Variants in GRID2 observed in about 807,000 individuals in gnomAD.
GRID2 encodes the protein glutamate ionotropic receptor delta type subunit 2.
GRID2 carries 33 observed loss-of-function variants against 114.8 expected under a neutral mutation model. That is an observed-to-expected ratio of 0.29 (90% CI 0.22 to 0.38). The LOEUF is 0.38. Among genes scored for constraint, GRID2 ranks in the 10% least tolerant of loss-of-function variants. The pLI, the probability that GRID2 is intolerant of heterozygous loss-of-function variation, is 1.00. For missense variants in GRID2, 1,184 were observed against 1,257.7 expected, an observed-to-expected ratio of 0.94 and a Z score of 0.89; for synonymous variants, 505 against 449.9, an observed-to-expected ratio of 1.12 and a Z score of -1.55.
chr4:92,804,317 A>G (rs190165503), intron 2 of GRID2, among the ~76,000 whole-genome samples: 46 of 152,186 alleles, frequency 3.0e-4, no homozygotes, highest in African/African-American at 1.0e-3. Flanking sequence ...AAGGATGGAT[A>G]TAATTCAGAG....
At chr4:92,308,588 A>T (rs775469920) in intron 1 of GRID2, among the ~76,000 whole-genome samples, 9 of 152,182 alleles carry the variant, frequency 5.9e-5, no homozygotes, top group Non-Finnish European at 8.8e-5. Flanking sequence ...AAATTAAAGT[A>T]CAAAATCGGG....
chr4:93,034,214 C>T (rs1724704086), intron 2 of GRID2, among the ~76,000 whole-genome samples: 1 of 152,158 alleles, frequency 6.6e-6, no homozygotes, highest in Non-Finnish European at 1.5e-5. Context: ...CACATTTAGA[C>T]AGATGGGAAG....
chr4:93,320,185 G>T (rs186917133), intron 8 of GRID2, among the ~76,000 whole-genome samples: 2 of 152,062 alleles, frequency 1.3e-5, no homozygotes, highest in Admixed American at 1.3e-4. Flanking sequence ...GACAATTGGA[G>T]TAAGGAACAT....
chr4:92,943,394 A>T (rs1014406682), intron 2 of GRID2, among the ~76,000 whole-genome samples: 8 of 152,018 alleles, frequency 5.3e-5, no homozygotes, highest in Admixed American at 3.9e-4. Flanking sequence ...TTGTGCATTC[A>T]TCACATAGTT....
intron 13 of GRID2, among the ~76,000 whole-genome samples, chr4:93,590,228 T>C (rs1738062232): frequency 6.6e-6 from 1 of 150,662 alleles, no homozygotes. Context: ...AACTGATTTT[T>C]GTATAAGGCG....
chr4:93,449,224 G>A (rs534503742), intron 10 of GRID2, among the ~76,000 whole-genome samples: 8 of 151,928 alleles, frequency 5.3e-5, no homozygotes, highest in Admixed American at 2.0e-4. Context: ...ATAGGCAGAA[G>A]TAGACCTAGT....
chr4:92,357,728 CTG>C (rs1728398295), intron 1 of GRID2, among the ~76,000 whole-genome samples: 2 of 151,812 alleles, frequency 1.3e-5, no homozygotes, highest in Admixed American at 6.6e-5. Flanking sequence ...GAGTAGTTGA[CTG>C]TTCTTTCTCT....
At chr4:92,646,535 C>T (rs1227840508) in intron 2 of GRID2, among the ~76,000 whole-genome samples, 1 of 151,802 alleles carries the variant, frequency 6.6e-6, no homozygotes, top group African/African-American at 2.4e-5. Context: ...TCTAGAAATG[C>T]TATAGTTTTA....
chr4:93,016,891 T>G (rs1286540337), intron 2 of GRID2, among the ~76,000 whole-genome samples: 1 of 152,212 alleles, frequency 6.6e-6, no homozygotes, highest in East Asian at 1.9e-4. Flanking sequence ...TCTATTTTTT[T>G]TAAATGACTT....
At chr4:93,532,585 G>T (rs567999281) in intron 13 of GRID2, among the ~76,000 whole-genome samples, 1 of 152,256 alleles carries the variant, frequency 6.6e-6, no homozygotes. Flanking sequence ...TGCTGTGCTT[G>T]AATTGTGAAG....
At chr4:93,035,121 T>C (rs182456654) in intron 2 of GRID2, among the ~76,000 whole-genome samples, 14 of 151,198 alleles carry the variant, frequency 9.3e-5, no homozygotes, top group African/African-American at 2.4e-4. Context: ...TTTTTTTTTT[T>C]CTGAGGCAGA....
At chr4:92,580,490 A>T (rs902387991) in intron 1 of GRID2, among the ~76,000 whole-genome samples, 1 of 151,964 alleles carries the variant, frequency 6.6e-6, no homozygotes, top group African/African-American at 2.4e-5. Flanking sequence ...AAAATGCTCA[A>T]TTACAAGAAA....
At chr4:93,202,407 A>C (rs553888432) in intron 4 of GRID2, among the ~76,000 whole-genome samples, 1 of 152,160 alleles carries the variant, frequency 6.6e-6, no homozygotes, top group Non-Finnish European at 1.5e-5. Flanking sequence ...GGAAAATTGC[A>C]ATCAAATTTC....
rs146347222 is a variant in GRID2, at chr4:93,606,920, G to C, written c.2194-19349G>C. On this transcript the variant is annotated intron_variant, in intron 13 of 15. Coordinates refer to ENST00000282020, the MANE Select transcript of GRID2 (RefSeq NM_001510.4). ...ACAAAAATATTTGGGCTTTTATTCA[G>C]TATTCTTTACTGTATACCTAAAAAT... Among the ~76,000 whole-genome samples the C allele has an allele frequency of 1.8e-3, 276 of 152,124 alleles. 7 individuals carry two copies. In the East Asian group the frequency reaches 0.05, roughly 28 times the overall value.
intron 4 of GRID2, among the ~76,000 whole-genome samples, chr4:93,177,698 A>G (rs1178232412): frequency 6.6e-6 from 1 of 152,160 alleles, no homozygotes; most frequent in African/African-American, 2.4e-5. Context: ...AGGTACATAG[A>G]ATCTGTCAAA....
intron 4 of GRID2, among the ~76,000 whole-genome samples, chr4:93,193,237 C>T (rs1454096403): frequency 1.3e-5 from 2 of 152,108 alleles, no homozygotes; most frequent in Admixed American, 1.3e-4. Context: ...CAGCCCATCT[C>T]CTTGGGTCTG....
At chr4:92,640,197 T>A (rs1474807748) in intron 2 of GRID2, among the ~76,000 whole-genome samples, 1 of 151,714 alleles carries the variant, frequency 6.6e-6, no homozygotes, top group African/African-American at 2.4e-5. Flanking sequence ...ATTTAAAAAC[T>A]AAAGGAGTGA....
chr4:92,827,586 C>G (rs1300193296), intron 2 of GRID2, among the ~76,000 whole-genome samples: 1 of 151,938 alleles, frequency 6.6e-6, no homozygotes, highest in African/African-American at 2.4e-5. Context: ...ATCATATTAT[C>G]TTAAATATGA....
intron 1 of GRID2, among the ~76,000 whole-genome samples, chr4:92,411,522 T>G (rs999606558): frequency 8.6e-5 from 13 of 151,588 alleles, no homozygotes; most frequent in African/African-American, 3.1e-4. Flanking sequence ...TTTTAATAAA[T>G]TCACTTTTTA....
Sources: allele counts gnomAD v4.1 joint callset (sites outside exome capture counted in the v4.1 genomes callset), GRCh38; gene constraint gnomAD v4.1.1; transcripts MANE v1.5; gene names NCBI Gene and HGNC (gene_info 2026-07-23, HGNC 2026-07-21).